The following RAPGEF5 variants were observed in gnomAD, a reference collection of about 807,000 sequenced individuals.
The protein encoded by RAPGEF5 is Rap guanine nucleotide exchange factor 5, also known as M-Ras-regulated GEF.
In RAPGEF5, 65 loss-of-function variants were observed where a neutral mutation model predicts 125.2. The observed-to-expected ratio is 0.52, with a 90% CI of 0.43 to 0.64. The LOEUF (loss-of-function observed/expected upper bound fraction) is 0.64, where lower values mean the gene tolerates loss of function less well. Ranked by LOEUF, RAPGEF5 falls within the 30% of genes least tolerant of loss-of-function variation. RAPGEF5 has a pLI of 0.00. For missense variants in RAPGEF5, 958 were observed against 1,048.1 expected (o/e 0.91, Z 1.19); for synonymous variants, 391 against 385.9 (o/e 1.01, Z -0.16).
chr7:22,290,906 T>C (rs1782920143), intron 6 of RAPGEF5, among the ~76,000 whole-genome samples: 1 of 152,112 alleles, frequency 6.6e-6, no homozygotes, highest in African/African-American at 2.4e-5. Context: ...TAACGCATAC[T>C]GTATTTAAAA....
chr7:22,344,076 C>T (rs73683358), intron 1 of RAPGEF5, among the ~76,000 whole-genome samples: 27,745 of 152,100 alleles, frequency 0.18, 2,680 homozygotes, highest in Admixed American at 0.23. Flanking sequence ...GGTCCAGGGA[C>T]CCCTCAGGAC....
intron 9 of RAPGEF5, chr7:22,194,605 G>A (rs1785102975): frequency 3.0e-6 from 3 of 984,280 alleles, no homozygotes; most frequent in Non-Finnish European, 3.6e-6. Context: ...TCAGACTTGA[G>A]ATGGCCTTCA....
intron 6 of RAPGEF5, among the ~76,000 whole-genome samples, chr7:22,283,267 C>T (rs960145416): frequency 6.6e-6 from 1 of 152,176 alleles, no homozygotes; most frequent in Non-Finnish European, 1.5e-5. Context: ...TCTCATTTGA[C>T]ATTTACAAAC....
intron 1 of RAPGEF5, chr7:22,356,582 TG>T: frequency 9.2e-6 from 1 of 108,414 alleles, no homozygotes; most frequent in Non-Finnish European, 1.6e-5. Context: ...AGCCTGAATC[TG>T]GGGGCCCTGG....
At chr7:22,229,487 TA>T (rs1471674068) in intron 8 of RAPGEF5, among the ~76,000 whole-genome samples, 2 of 152,186 alleles carry the variant, frequency 1.3e-5, no homozygotes, top group Admixed American at 6.5e-5. Flanking sequence ...GCCTGGCAAA[TA>T]GGTGCTCAAG....
Position 22,199,483 on chromosome 7 carries a change from G to A in RAPGEF5, c.997-5450C>T, listed in dbSNP as rs181764012. On this transcript the variant is annotated intron_variant, in intron 9 of 25. Transcript: ENST00000665637. The stretch of plus-strand genomic sequence containing the variant: ...AAGAACTGGGTAGACATGAATTATA[G>A]ACTTTAAAATGGCTAATTTTATGTT... 5.5e-3 allele frequency among the ~76,000 whole-genome samples: 675 copies of A among 123,216 alleles called. 14 individuals are homozygous for A. In the Admixed American group the frequency reaches 0.057, roughly 10 times the overall value. The allele number at this position is 123,216 out of a possible 152,430, so 80.8% of individuals were successfully genotyped here.
At chr7:22,129,733 G>A (rs1782856018) in intron 24 of RAPGEF5, among the ~76,000 whole-genome samples, 1 of 151,858 alleles carries the variant, frequency 6.6e-6, no homozygotes, top group South Asian at 2.1e-4. Flanking sequence ...AAAATGTATT[G>A]ACAGAGCCAC....
chr7:22,190,807 G>A (rs570971472), intron 11 of RAPGEF5, among the ~76,000 whole-genome samples: 1 of 152,248 alleles, frequency 6.6e-6, no homozygotes, highest in Admixed American at 6.5e-5. Context: ...GTCCAAAAAT[G>A]TAAGAATCCA....
At chr7:22,215,558 G>C (rs1785616483) in intron 9 of RAPGEF5, among the ~76,000 whole-genome samples, 1 of 152,220 alleles carries the variant, frequency 6.6e-6, no homozygotes. Flanking sequence ...AGCCACCATA[G>C]TTAGCCTGGC....
intron 7 of RAPGEF5, among the ~76,000 whole-genome samples, chr7:22,263,709 G>A (rs1221760308): frequency 6.7e-6 from 1 of 149,116 alleles, no homozygotes; most frequent in Non-Finnish European, 1.5e-5. Flanking sequence ...CATTCTGGGC[G>A]ACAGAGCGAG....
At chr7:22,205,413 C>T (rs1372100510) in intron 9 of RAPGEF5, among the ~76,000 whole-genome samples, 3 of 152,280 alleles carry the variant, frequency 2.0e-5, no homozygotes, top group South Asian at 2.1e-4. Context: ...TTGAAGTACT[C>T]GACTGTGGGA....
At chr7:22,180,483 G>A (rs1276615972) in intron 11 of RAPGEF5, among the ~76,000 whole-genome samples, 1 of 152,134 alleles carries the variant, frequency 6.6e-6, no homozygotes, top group African/African-American at 2.4e-5. Flanking sequence ...GTCCATCAGG[G>A]CCCAGGAAAT....
intron 21 of RAPGEF5, among the ~76,000 whole-genome samples, chr7:22,137,802 C>G (rs1240537597): frequency 6.6e-6 from 1 of 152,138 alleles, no homozygotes; most frequent in East Asian, 1.9e-4. Context: ...TGGTACTTAA[C>G]AAATGCCAGC....
chr7:22,278,192 CATTT>C (rs1782600415), intron 6 of RAPGEF5, among the ~76,000 whole-genome samples: 2 of 152,154 alleles, frequency 1.3e-5, no homozygotes, highest in African/African-American at 4.8e-5. Flanking sequence ...CAAATTAACT[CATTT>C]ATTTGCCTCC....
At chr7:22,178,491 T>C (rs1179517856) in intron 11 of RAPGEF5, among the ~76,000 whole-genome samples, 2 of 152,170 alleles carry the variant, frequency 1.3e-5, no homozygotes, top group Non-Finnish European at 1.5e-5. Context: ...TATATCAGGG[T>C]TCTCACAACC....
At chr7:22,297,507 C>T (rs558025311) in intron 5 of RAPGEF5, among the ~76,000 whole-genome samples, 1 of 152,208 alleles carries the variant, frequency 6.6e-6, no homozygotes, top group South Asian at 2.1e-4. Flanking sequence ...ACAGGACCAC[C>T]CCACAGCATT....
intron 1 of RAPGEF5, among the ~76,000 whole-genome samples, chr7:22,341,764 G>A (rs976171711): frequency 7.2e-5 from 11 of 152,246 alleles, no homozygotes; most frequent in Admixed American, 6.5e-4. Context: ...TCCAGGTCAT[G>A]CTGATGCAAG....
chr7:22,219,639 T>C (rs1033309211), intron 9 of RAPGEF5, among the ~76,000 whole-genome samples: 14 of 152,114 alleles, frequency 9.2e-5, no homozygotes, highest in African/African-American at 3.1e-4. Context: ...CTCATATTTC[T>C]ACATAATTTA....
intron 6 of RAPGEF5, among the ~76,000 whole-genome samples, chr7:22,276,209 T>G (rs1782551386): frequency 6.6e-6 from 1 of 152,222 alleles, no homozygotes; most frequent in Non-Finnish European, 1.5e-5. Flanking sequence ...TCAAGTTACT[T>G]TTTTTGGTGT....
Sources: allele counts gnomAD v4.1 joint callset (sites outside exome capture counted in the v4.1 genomes callset), GRCh38; gene constraint gnomAD v4.1.1; transcripts MANE v1.5; gene names NCBI Gene and HGNC (gene_info 2026-07-23, HGNC 2026-07-21).